C1GALT1: variants seen among roughly 807,000 people sequenced by gnomAD.
C1GALT1 encodes the protein glycoprotein-N-acetylgalactosamine 3-beta-galactosyltransferase 1.
C1GALT1 carries 11 observed loss-of-function variants against 31.0 expected under a neutral mutation model. The observed-to-expected ratio is 0.36, with a 90% confidence interval of 0.22 to 0.59. The LOEUF (loss-of-function observed/expected upper bound fraction) is 0.59, where lower values mean the gene tolerates loss of function less well. Among genes scored for constraint, C1GALT1 ranks in the 20% least tolerant of loss-of-function variants. The pLI is 0.79. For missense variants in C1GALT1, 424 were observed against 425.2 expected, an observed-to-expected ratio of 1.00 and a Z score of 0.03; for synonymous variants, 175 against 143.6, an observed-to-expected ratio of 1.22 and a Z score of -1.56.
intron 2 of C1GALT1, among the ~76,000 whole-genome samples, chr7:7,165,640 T>A (rs1780384746): frequency 6.6e-6 from 1 of 152,124 alleles, no homozygotes; most frequent in African/African-American, 2.4e-5. Context: ...TCTTTTCTCA[T>A]TTCCTTCTCC....
chr7:7,161,979 A>T (rs976311813), intron 2 of C1GALT1, among the ~76,000 whole-genome samples: 9 of 152,042 alleles, frequency 5.9e-5, no homozygotes, highest in African/African-American at 2.2e-4. Flanking sequence ...AAACTTTAGC[A>T]ATTGTCATTG....
Position 7,209,833 on chromosome 7 carries a change from A to C in C1GALT1, c.-17-24470A>C, listed in dbSNP as rs150182531. ...GCGGGCTGAGTGCGAAAGGAGAGTC[A>C]GCGAAGGGAGATGGGGTGGGGCCGT... On this transcript the variant is annotated intron_variant, in intron 1 of 3. Transcript: ENST00000436587. Among the ~76,000 whole-genome samples, 947 of 152,282 alleles carry C rather than the reference A, an allele frequency of 6.2e-3. 12 individuals are homozygous for C. Among genetic ancestry groups the C allele is most frequent in the African/African-American group, 0.021 (882 of 41,544 alleles).
rs1433619158 is a variant in C1GALT1, at chr7:7,238,273, C to T, written c.239C>T (p.Ala80Val). ...SQHKDENTDI[A>V]ENLYQKVRIL... ...TTAATAGATGAGAACACAGACATTG[C>T]TGAAAACCTCTATCAGAAAGTTAGA... Residue 80 changes from alanine (A) to valine (V), a missense_variant, in exon 3 of 4, where the codon GCT (alanine) becomes GTT (valine). Ala to Val is a moderately conservative substitution (Grantham distance 64). Around this residue, in one of 3 missense-constraint regions of C1GALT1, gnomAD observed 189 missense variants for 158.2 expected, o/e 1.19. Coordinates refer to ENST00000436587, the MANE Select transcript of C1GALT1 (RefSeq NM_020156.5). The surrounding 1 kb of genome is among the most constrained non-coding windows in gnomAD (Gnocchi z 5.2). 3.1e-6 allele frequency: 5 copies of T among 1,603,252 alleles called. No homozygotes were observed. The highest frequency in any genetic ancestry group is 1.4e-5 in the African/African-American group (1 of 74,012).
chr7:7,233,520 G>T (rs1261963165), intron 1 of C1GALT1, among the ~76,000 whole-genome samples: 1 of 152,086 alleles, frequency 6.6e-6, no homozygotes, highest in African/African-American at 2.4e-5. Flanking sequence ...TGATCCACCC[G>T]CCTTGGCCTC....
intron 1 of C1GALT1, chr7:7,183,621 C>G: frequency 9.2e-6 from 9 of 982,462 alleles, no homozygotes; most frequent in Non-Finnish European, 8.5e-6. Flanking sequence ...TAAAAGATGA[C>G]CATAATTTAG....
At chr7:7,164,836 C>T (rs1305031171) in intron 2 of C1GALT1, among the ~76,000 whole-genome samples, 1 of 152,012 alleles carries the variant, frequency 6.6e-6, no homozygotes, top group Non-Finnish European at 1.5e-5. Context: ...GGCAGCACTC[C>T]CAATAGTTGT....
chr7:7,197,903 T>A, intron 1 of C1GALT1, among the ~76,000 whole-genome samples: 1 of 152,262 alleles, frequency 6.6e-6, no homozygotes, highest in Non-Finnish European at 1.5e-5. Flanking sequence ...CCTGAGACTT[T>A]GCTGAAGTTG....
intron 2 of C1GALT1, among the ~76,000 whole-genome samples, chr7:7,237,036 ATAAC>A (rs1185964733): frequency 6.6e-6 from 1 of 152,242 alleles, no homozygotes; most frequent in Non-Finnish European, 1.5e-5. Flanking sequence ...TTCTGGTCCT[ATAAC>A]TAAAGAATGT....
At chr7:7,187,303 G>A (rs10260457) in intron 1 of C1GALT1, among the ~76,000 whole-genome samples, 13,863 of 151,364 alleles carry the variant, frequency 0.092, 783 homozygotes, top group East Asian at 0.16. Flanking sequence ...AGGCTGGAGT[G>A]CAGTGGCGCG....
At chr7:7,234,671 A>G (rs1177889642) in intron 2 of C1GALT1, 132 bp downstream of exon 2, 7 of 653,940 alleles carry the variant, frequency 1.1e-5, no homozygotes, top group Non-Finnish European at 1.8e-5. Flanking sequence ...GGTTTGCCTC[A>G]AGAGAAGGGA....
At chr7:7,228,709 C>T (rs1287493523) in intron 1 of C1GALT1, among the ~76,000 whole-genome samples, 2 of 152,158 alleles carry the variant, frequency 1.3e-5, no homozygotes, top group Non-Finnish European at 2.9e-5. Flanking sequence ...CCAACACATT[C>T]TGAGTGTGCT....
intron 1 of C1GALT1, among the ~76,000 whole-genome samples, chr7:7,189,428 A>G (rs989561447): frequency 1.3e-5 from 2 of 152,220 alleles, no homozygotes; most frequent in African/African-American, 4.8e-5. Context: ...TGTGTCAATA[A>G]CAGCTGTTAA....
Position 7,248,245 on chromosome 7 carries a change from T to A in C1GALT1, c.*4518T>A, listed in dbSNP as rs1042176034. 4.6e-5 allele frequency: 7 copies of A among 151,978 alleles called. No homozygotes were observed. Among genetic ancestry groups the A allele is most frequent in the African/African-American group, 1.7e-4 (7 of 41,454 alleles). The allele number at this position is 151,978 out of a possible 1,614,324, so 9.4% of individuals were successfully genotyped here. ...CAAATTCTCTTTAGAGCAACCAACA[T>A]TAAAGTTTTAGAGTTGAATTTTGCT... On this transcript the variant is annotated 3_prime_UTR_variant, in exon 4 of 4. Transcript: ENST00000436587.
At chr7:7,210,053 ACTT>A (rs1385732268) in intron 1 of C1GALT1, among the ~76,000 whole-genome samples, 1 of 152,020 alleles carries the variant, frequency 6.6e-6, no homozygotes, top group Non-Finnish European at 1.5e-5. Flanking sequence ...GGCCATTTTC[ACTT>A]CTTTTGTGAT....
At chr7:7,236,034 C>G (rs551357663) in intron 2 of C1GALT1, among the ~76,000 whole-genome samples, 1 of 152,278 alleles carries the variant, frequency 6.6e-6, no homozygotes, top group Non-Finnish European at 1.5e-5. Flanking sequence ...ATTTTTTAAT[C>G]TTCCTCTTTG....
intron 1 of C1GALT1, among the ~76,000 whole-genome samples, chr7:7,228,798 T>C (rs1782925857): frequency 6.6e-6 from 1 of 152,172 alleles, no homozygotes; most frequent in South Asian, 2.1e-4. Context: ...TAAAAACAAT[T>C]ACGTAACACC....
rs1265770691 is a variant in C1GALT1 at position 7,187,532 on chromosome 7, T to C, written c.-18+4712T>C. On this transcript the variant is annotated intron_variant, in intron 1 of 3. Coordinates refer to ENST00000436587, the MANE Select transcript of C1GALT1 (RefSeq NM_020156.5). ...TTACCTGGAAACATTTAGCAATGTC[T>C]ACAGACATTTTTGTTTGTCACAACT... 2.0e-5 allele frequency among the ~76,000 whole-genome samples: 3 copies of C among 152,216 alleles called. No individual in the cohort carries two copies. The South Asian group carries it at 6.2e-4, about 31-fold the overall frequency.
intron 1 of C1GALT1, among the ~76,000 whole-genome samples, chr7:7,197,260 G>A (rs957342211): frequency 3.3e-5 from 5 of 150,274 alleles, no homozygotes; most frequent in African/African-American, 9.9e-5. Context: ...TTCTACATAT[G>A]GCTAGCCAGT....
At chr7:7,187,788 A>G (rs1415081866) in intron 1 of C1GALT1, among the ~76,000 whole-genome samples, 1 of 152,222 alleles carries the variant, frequency 6.6e-6, no homozygotes, top group Admixed American at 6.5e-5. Flanking sequence ...CCTTTCAGTA[A>G]CTGTAGACAG....
Sources: gnomAD v4.1 joint callset for allele counts (sites outside exome capture counted in the v4.1 genomes callset) on GRCh38, gnomAD v4.1.1 for gene constraint, gnomAD v4.1.1 regional missense constraint, Gnocchi (gnomAD v3.1) non-coding constraint, MANE v1.5 for transcripts, NCBI Gene and HGNC (gene_info 2026-07-23, HGNC 2026-07-21) for gene names.